AGAP1: variants seen among roughly 807,000 people sequenced by gnomAD.
AGAP1 encodes the protein ArfGAP with GTPase domain, ankyrin repeat and PH domain 1.
In AGAP1, 29 loss-of-function variants were observed where a neutral mutation model predicts 105.3. The observed-to-expected ratio is 0.28, with a 90% CI of 0.21 to 0.38. The LOEUF is 0.38. AGAP1 is among the 10% of genes least tolerant of loss of function. The pLI is 1.00. For synonymous variants in AGAP1, 509 were observed against 485.9 expected (o/e 1.05, Z -0.63); for missense variants, 998 against 1,165.1 (o/e 0.86, Z 2.09).
chr2:236,051,083 C>T lies in AGAP1; in HGVS notation c.2114+1802C>T, dbSNP rs978901606. On this transcript the variant is annotated intron_variant, in intron 16 of 17. Coordinates refer to ENST00000304032, the MANE Select transcript of AGAP1 (RefSeq NM_001037131.3). The surrounding 1 kb of genome is among the most constrained non-coding windows in gnomAD (Gnocchi z 5.9). Reference sequence around the variant, plus strand: ...TGGTTGCAGTTAAGTCCCATCTTTTCTTTAGTCACACTGGCTTTCCTAAAG... The same window carrying T: ...TGGTTGCAGTTAAGTCCCATCTTTTTTTTAGTCACACTGGCTTTCCTAAAG... Among the ~76,000 whole-genome samples the T allele has an allele frequency of 1.3e-5, 2 of 152,202 alleles. No homozygotes were observed. Among genetic ancestry groups the T allele is most frequent in the African/African-American group, 4.8e-5 (2 of 41,452 alleles).
intron 13 of AGAP1, among the ~76,000 whole-genome samples, chr2:236,017,730 C>T (rs2056754872): frequency 6.6e-6 from 1 of 152,232 alleles, no homozygotes; most frequent in African/African-American, 2.4e-5. Flanking sequence ...GTCTAAGGAT[C>T]TCTCTGAAGC....
intron 11 of AGAP1, among the ~76,000 whole-genome samples, chr2:235,918,309 A>G (rs552118651): frequency 9.8e-5 from 15 of 152,354 alleles, no homozygotes; most frequent in African/African-American, 3.6e-4. Context: ...AAACCTCAAT[A>G]TCAGTAGCAT....
intron 1 of AGAP1, among the ~76,000 whole-genome samples, chr2:235,628,788 C>T (rs1323160265): frequency 6.6e-6 from 1 of 152,044 alleles, no homozygotes; most frequent in African/African-American, 2.4e-5. Flanking sequence ...ATCCTTCCCC[C>T]CAAGTCCCCG....
At chr2:235,679,971 C>A (rs1469781438) in intron 1 of AGAP1, among the ~76,000 whole-genome samples, 2 of 152,310 alleles carry the variant, frequency 1.3e-5, no homozygotes, top group Non-Finnish European at 1.5e-5. Context: ...GTTGTACTGA[C>A]GCTGACATTT....
In AGAP1 at chr2:235,594,755, G is replaced by A. The variant is rs192513593; in HGVS notation, c.163+99906G>A. ...CCCAGCTAAATTTTTTGTATTTTTA[G>A]TAGGGATGGGGTCTCACCATGTTGA... On this transcript the variant is annotated intron_variant, in intron 1 of 17. Transcript: ENST00000304032. Among the ~76,000 whole-genome samples, 360 of 152,090 alleles carry A rather than the reference G, an allele frequency of 2.4e-3. 3 individuals are homozygous for A. Among genetic ancestry groups the A allele is most frequent in the South Asian group, 9.1e-3 (44 of 4,810 alleles).
At chr2:236,112,273 G>C (rs567343230) in intron 16 of AGAP1, among the ~76,000 whole-genome samples, 2 of 152,018 alleles carry the variant, frequency 1.3e-5, no homozygotes, top group Non-Finnish European at 2.9e-5. Flanking sequence ...AAAATTAGCC[G>C]GACGTGGTGG....
At chr2:235,637,302 C>G (rs1017884551) in intron 1 of AGAP1, among the ~76,000 whole-genome samples, 24 of 152,152 alleles carry the variant, frequency 1.6e-4, no homozygotes. Flanking sequence ...GAGCCTTACT[C>G]TGTCACCCAG....
At chr2:235,835,958 G>C (rs974468533) in intron 9 of AGAP1, among the ~76,000 whole-genome samples, 6 of 152,220 alleles carry the variant, frequency 3.9e-5, no homozygotes, top group Admixed American at 6.5e-5. Flanking sequence ...AATGTTGACA[G>C]TTGTATTGTG....
rs1949735396 is a variant in AGAP1 at position 235,691,534 on chromosome 2, G to A, written c.164-17645G>A. 6.6e-6 allele frequency among the ~76,000 whole-genome samples: 1 copy of A among 152,236 alleles called. No homozygotes were observed. Among genetic ancestry groups the A allele is most frequent in the African/African-American group, 2.4e-5 (1 of 41,476 alleles). ...TCGTGAGTCCCTCTTCCTCCACACAGCAACACTGGTTCTAAAACAGTCGGA... is the reference window on the plus strand; with the variant it reads ...TCGTGAGTCCCTCTTCCTCCACACAACAACACTGGTTCTAAAACAGTCGGA... On this transcript the variant is annotated intron_variant, in intron 1 of 17. Coordinates refer to ENST00000304032, the MANE Select transcript of AGAP1 (RefSeq NM_001037131.3). The surrounding 1 kb of genome is among the most constrained non-coding windows in gnomAD (Gnocchi z 4.4).
At chr2:235,861,395 A>G (rs916793865) in intron 9 of AGAP1, among the ~76,000 whole-genome samples, 2 of 152,196 alleles carry the variant, frequency 1.3e-5, no homozygotes, top group Non-Finnish European at 2.9e-5. Flanking sequence ...TGCAACTGGT[A>G]AAGGTGTCAC....
chr2:236,019,245 G>T (rs1259717677), intron 13 of AGAP1, among the ~76,000 whole-genome samples: 1 of 152,196 alleles, frequency 6.6e-6, no homozygotes, highest in East Asian at 1.9e-4. Flanking sequence ...CATTGCCTGC[G>T]CTGGGTGCTG....
rs556069443 is a variant in AGAP1 at position 236,054,117 on chromosome 2, TG to T, written c.2114+4837del. The stretch of plus-strand genomic sequence containing the variant: ...CAGTGATGTGAGTTCCATCTCTTTT[TG>T]ATTCTGGAACTCCACTTTCATCTTA... On this transcript the variant is annotated intron_variant, in intron 16 of 17. Coordinates refer to ENST00000304032, the MANE Select transcript of AGAP1 (RefSeq NM_001037131.3). Among the ~76,000 whole-genome samples the T allele has an allele frequency of 2.7e-4, 41 of 152,328 alleles. No individual in the cohort carries two copies. In the Middle Eastern group the frequency reaches 0.014, roughly 51 times the overall value.
In AGAP1 at chr2:236,130,239, G is replaced by T. The variant is rs2060064787; in HGVS notation, c.*6117G>T. ...TGAGGAGAGGCTGGCTCAGGGCTTG[G>T]TTTTCATTTTGGCCTGGCACAGGGT... On this transcript the variant is annotated 3_prime_UTR_variant, in exon 18 of 18. Transcript: ENST00000304032. The surrounding 1 kb of genome is among the most constrained non-coding windows in gnomAD (Gnocchi z 5.8). 6.6e-6 allele frequency: 1 copy of T among 152,180 alleles called. No homozygotes were observed. Among genetic ancestry groups the T allele is most frequent in the Non-Finnish European group, 1.5e-5 (1 of 68,066 alleles). 9.4% of individuals were successfully genotyped at this position (152,180 alleles called of 1,614,324 possible).
At position 235,600,110 on chromosome 2, in the gene AGAP1, A is replaced by G. The variant is rs1945680241; in HGVS notation, c.163+105261A>G. Among the ~76,000 whole-genome samples the G allele has an allele frequency of 6.6e-6, 1 of 152,138 alleles. No homozygotes were observed. The highest frequency in any genetic ancestry group is 1.5e-5 in the Non-Finnish European group (1 of 68,022). ...ATCCCAGCCTTTCTTCCTCTCTCGT[A>G]ACTGTTATTTACTCAGTAATTACAG... is the stretch of plus-strand genomic sequence containing the variant. On this transcript the variant is annotated intron_variant, in intron 1 of 17. Transcript: ENST00000304032. This position sits in a 1 kb window ranked among gnomAD's most constrained non-coding sequence, Gnocchi z 4.8.
intron 1 of AGAP1, among the ~76,000 whole-genome samples, chr2:235,515,282 G>T (rs1942333262): frequency 6.6e-6 from 1 of 152,080 alleles, no homozygotes; most frequent in South Asian, 2.1e-4. Context: ...ATGGGCCCAG[G>T]GGACAGGCAC....
chr2:235,704,907 T>C (rs1950449018), intron 1 of AGAP1, among the ~76,000 whole-genome samples: 1 of 150,250 alleles, frequency 6.7e-6, no homozygotes, highest in Non-Finnish European at 1.5e-5. Flanking sequence ...GGCACCTGTC[T>C]AGTTCTTGGG....
intron 16 of AGAP1, among the ~76,000 whole-genome samples, chr2:236,059,555 G>A (rs1472615756): frequency 6.6e-6 from 1 of 152,182 alleles, no homozygotes; most frequent in East Asian, 1.9e-4. Context: ...CACACTTTCT[G>A]ATTTCAGAAT....
chr2:235,731,722 C>T (rs1043296574), intron 3 of AGAP1, among the ~76,000 whole-genome samples: 11 of 152,174 alleles, frequency 7.2e-5, no homozygotes, highest in African/African-American at 1.9e-4. Flanking sequence ...AGGAAGCTGA[C>T]AGCCGACATG....
intron 9 of AGAP1, among the ~76,000 whole-genome samples, chr2:235,849,551 G>C (rs767424437): frequency 8.5e-5 from 13 of 152,162 alleles, no homozygotes; most frequent in Admixed American, 2.6e-4. Flanking sequence ...TGACTCTGGA[G>C]GGTTTCTGGA....
Sources: gnomAD v4.1 joint callset for allele counts (sites outside exome capture counted in the v4.1 genomes callset) on GRCh38, gnomAD v4.1.1 for gene constraint, Gnocchi (gnomAD v3.1) non-coding constraint, MANE v1.5 for transcripts, NCBI Gene and HGNC (gene_info 2026-07-23, HGNC 2026-07-21) for gene names.